The following HIPK2 variants were observed in gnomAD, a reference collection of about 807,000 sequenced individuals.
HIPK2 encodes homeodomain interacting protein kinase 2, also known as homeodomain-interacting protein kinase 2.
Under a neutral mutation model 113.7 loss-of-function variants are expected in HIPK2, and 27 were observed. The observed-to-expected ratio is 0.24, with a 90% CI of 0.17 to 0.33. The LOEUF (loss-of-function observed/expected upper bound fraction) is 0.33, where lower values mean the gene tolerates loss of function less well. Ranked by LOEUF, HIPK2 falls within the 10% of genes least tolerant of loss-of-function variation. HIPK2 has a pLI of 1.00. For synonymous variants in HIPK2, 631 were observed against 642.2 expected (o/e 0.98, Z 0.26); for missense variants, 1,257 against 1,588.0 (o/e 0.79, Z 3.54).
chr7:139,584,133 A>G, intron 12 of HIPK2, 69 bp from the exon 13 acceptor site: 1 of 1,531,478 alleles, frequency 6.5e-7, no homozygotes, highest in Non-Finnish European at 8.8e-7. Context: ...CTAGCACTTC[A>G]TGCCCTGGGG....
At chr7:139,767,181 G>A (rs570788501) in intron 1 of HIPK2, among the ~76,000 whole-genome samples, 72 of 152,204 alleles carry the variant, frequency 4.7e-4, no homozygotes, top group Non-Finnish European at 8.2e-4. Flanking sequence ...TCCTCAACTG[G>A]AAATGCAAAT....
chr7:139,643,791 G>A (rs1487353841), intron 2 of HIPK2, among the ~76,000 whole-genome samples: 1 of 152,206 alleles, frequency 6.6e-6, no homozygotes, highest in African/African-American at 2.4e-5. Flanking sequence ...GAACCAGTTT[G>A]GACTCCATGA....
At chr7:139,645,279 G>A (rs1801168525) in intron 2 of HIPK2, among the ~76,000 whole-genome samples, 1 of 152,176 alleles carries the variant, frequency 6.6e-6, no homozygotes, top group Non-Finnish European at 1.5e-5. Flanking sequence ...CTGACAGTCT[G>A]GGATAAAAGA....
chr7:139,697,999 A>G (rs1794610870), intron 2 of HIPK2, among the ~76,000 whole-genome samples: 1 of 151,470 alleles, frequency 6.6e-6, no homozygotes, highest in African/African-American at 2.4e-5. Context: ...CCTCCTGAGG[A>G]TTACAGGTGC....
chr7:139,763,203 T>C lies in HIPK2; in HGVS notation c.19+14402A>G, dbSNP rs538589168. Reference sequence around the variant, plus strand: ...CAAGCCGGGACTGTGCTGTGATCCATGCTGTTCAGGATTCAGGATTTTCTT... The same window carrying C: ...CAAGCCGGGACTGTGCTGTGATCCACGCTGTTCAGGATTCAGGATTTTCTT... On this transcript the variant is annotated intron_variant, in intron 1 of 14. Coordinates refer to ENST00000406875, the MANE Select transcript of HIPK2 (RefSeq NM_022740.5). Among the ~76,000 whole-genome samples the C allele has an allele frequency of 3.9e-5, 6 of 152,296 alleles. No homozygotes were observed. In the South Asian group the frequency reaches 8.3e-4, roughly 21 times the overall value.
At chr7:139,668,278 CT>C (rs1476054097) in intron 2 of HIPK2, among the ~76,000 whole-genome samples, 1 of 151,596 alleles carries the variant, frequency 6.6e-6, no homozygotes, top group Non-Finnish European at 1.5e-5. Flanking sequence ...GTATGATTTA[CT>C]GGCCGAGTGC....
intron 6 of HIPK2, among the ~76,000 whole-genome samples, chr7:139,622,938 G>A (rs1263706707): frequency 6.6e-6 from 1 of 152,168 alleles, no homozygotes; most frequent in Non-Finnish European, 1.5e-5. Flanking sequence ...CTTCCTTACA[G>A]AACCCAGAGG....
intron 2 of HIPK2, among the ~76,000 whole-genome samples, chr7:139,649,429 G>C (rs571656014): frequency 6.6e-6 from 1 of 152,304 alleles, no homozygotes; most frequent in African/African-American, 2.4e-5. Flanking sequence ...GATTTTCCTA[G>C]GGGAAAACAC....
In HIPK2 at chr7:139,716,546, G is replaced by A. The variant is rs771047636; in HGVS notation, c.489C>T (p.Val163=). The change falls in exon 2 of 15, where the codon GTC becomes GTT. Residue 163 remains valine (V), a synonymous_variant. Coordinates refer to ENST00000406875, the MANE Select transcript of HIPK2 (RefSeq NM_022740.5). The surrounding 1 kb of genome is among the most constrained non-coding windows in gnomAD (Gnocchi z 9.3). The part of the protein sequence containing the change: ...MIQNNASGAT[V]ATATTSTATS... ...TGGCAGTAGACGTGGTGGCAGTGGC[G>A]ACAGTGGCCCCGCTTGCATTATTCT... 12 of 1,613,874 alleles carry A rather than the reference G, an allele frequency of 7.4e-6. No homozygotes were observed. The highest frequency in any genetic ancestry group is 2.2e-5 in the South Asian group (2 of 91,082).
At chr7:139,642,297 T>A (rs1423011864) in intron 2 of HIPK2, among the ~76,000 whole-genome samples, 1 of 151,406 alleles carries the variant, frequency 6.6e-6, no homozygotes, top group African/African-American at 2.4e-5. Flanking sequence ...TGACCGGGAG[T>A]GGGAGGCGAG....
At chr7:139,632,354 T>C (rs1800648250) in intron 2 of HIPK2, among the ~76,000 whole-genome samples, 1 of 152,340 alleles carries the variant, frequency 6.6e-6, no homozygotes, top group Admixed American at 6.5e-5. Context: ...AAACAAGCTG[T>C]CCCCTTCCCA....
chr7:139,581,511 C>T (rs1798667795), intron 13 of HIPK2, among the ~76,000 whole-genome samples: 1 of 152,222 alleles, frequency 6.6e-6, no homozygotes, highest in South Asian at 2.1e-4. Context: ...CTAACCCCAA[C>T]CTGAGAAGGA....
intron 1 of HIPK2, 24 bp downstream of exon 1, chr7:139,777,581 T>G (rs1310599546): frequency 2.0e-6 from 2 of 1,024,896 alleles, no homozygotes; most frequent in East Asian, 6.7e-5. Context: ...GGGCGCGGGG[T>G]CGGCGGGGCC....
intron 2 of HIPK2, among the ~76,000 whole-genome samples, chr7:139,695,082 T>C (rs1794524841): frequency 6.6e-6 from 1 of 152,246 alleles, no homozygotes; most frequent in Non-Finnish European, 1.5e-5. Flanking sequence ...TTCGCCATTT[T>C]GTCAAGAAAA....
chr7:139,596,142 T>C (rs1207116706), intron 12 of HIPK2, among the ~76,000 whole-genome samples: 1 of 152,186 alleles, frequency 6.6e-6, no homozygotes, highest in Non-Finnish European at 1.5e-5. Context: ...CCAGGGTTAG[T>C]AGTTTTGTAA....
At position 139,615,598 on chromosome 7, in the gene HIPK2, G is replaced by A. The variant is rs189107140; in HGVS notation, c.1783-1105C>T. 1.4e-3 allele frequency among the ~76,000 whole-genome samples: 213 copies of A among 152,340 alleles called. 2 individuals carry two copies. The highest frequency in any genetic ancestry group is 2.2e-3 in the Non-Finnish European group (153 of 68,044). ...CCTTTAGCAAGATAGGTGGTTACCAGTGGTTTCACATTCAGCACTGTCTAC... is the reference window on the plus strand; with the variant it reads ...CCTTTAGCAAGATAGGTGGTTACCAATGGTTTCACATTCAGCACTGTCTAC... On this transcript the variant is annotated intron_variant, in intron 7 of 14. Transcript: ENST00000406875.
chr7:139,674,980 T>C (rs1430668913), intron 2 of HIPK2, among the ~76,000 whole-genome samples: 1 of 152,154 alleles, frequency 6.6e-6, no homozygotes, highest in Non-Finnish European at 1.5e-5. Context: ...TTTGCCTTTG[T>C]CATCGTAAGG....
chr7:139,697,368 G>A (rs1183912473), intron 2 of HIPK2, among the ~76,000 whole-genome samples: 12 of 152,126 alleles, frequency 7.9e-5, no homozygotes, highest in African/African-American at 2.7e-4. Context: ...GCCTACAGCC[G>A]GAAAAGTATA....
At chr7:139,711,236 G>A (rs921735989) in intron 2 of HIPK2, among the ~76,000 whole-genome samples, 1 of 152,090 alleles carries the variant, frequency 6.6e-6, no homozygotes, top group Non-Finnish European at 1.5e-5. Flanking sequence ...GATCATCCTG[G>A]CTAATACAGT....
Sources: gnomAD v4.1 joint callset for allele counts (sites outside exome capture counted in the v4.1 genomes callset) on GRCh38, gnomAD v4.1.1 for gene constraint, Gnocchi (gnomAD v3.1) non-coding constraint, MANE v1.5 for transcripts, NCBI Gene and HGNC (gene_info 2026-07-23, HGNC 2026-07-21) for gene names.